FXN: variants seen among roughly 807,000 people sequenced by gnomAD.
FXN encodes frataxin, mitochondrial.
FXN carries 14 observed loss-of-function variants against 22.4 expected under a neutral mutation model. The ratio of observed to expected loss-of-function variants is 0.62; its 90% CI spans 0.41 to 0.98. The LOEUF is 0.98. Among genes scored for constraint, FXN ranks in the 50% least tolerant of loss-of-function variants. The probability of loss-of-function intolerance (pLI) is 0.00; values close to 1 mark genes in which losing one functional copy is unlikely to be tolerated. For missense variants in FXN, 267 were observed against 268.4 expected, an observed-to-expected ratio of 0.99 and a Z score of 0.04; for synonymous variants, 120 against 114.1, an observed-to-expected ratio of 1.05 and a Z score of -0.33.
At position 69,053,185 on chromosome 9, in the gene FXN, G is replaced by T. The variant is rs1831885193; in HGVS notation, c.309G>T (p.Leu103=). 1.2e-6 allele frequency: 2 copies of T among 1,613,902 alleles called. No homozygotes were observed. Among genetic ancestry groups the T allele is most frequent in the Non-Finnish European group, 8.5e-7 (1 of 1,179,948 alleles). ...TTYERLAEET[L]DSLAEFFEDL... Reference sequence around the variant, plus strand: ...ATGAAAGACTAGCAGAGGAAACGCTGGACTCTTTAGCAGAGTTTTTTGAAG... The same window carrying T: ...ATGAAAGACTAGCAGAGGAAACGCTTGACTCTTTAGCAGAGTTTTTTGAAG... The change falls in exon 3 of 5, where the codon CTG becomes CTT. Residue 103 remains leucine, a synonymous_variant. Coordinates refer to ENST00000484259, the MANE Select transcript of FXN (RefSeq NM_000144.5).
Position 69,073,336 on chromosome 9 carries a change from G to A in FXN, c.*574G>A, listed in dbSNP as rs954122525. The A allele has an allele frequency of 4.3e-5, 43 of 995,490 alleles. No individual in the cohort carries two copies. In the African/African-American group the frequency reaches 7.5e-4, roughly 17 times the overall value. 61.7% of individuals were successfully genotyped at this position (995,490 alleles called of 1,614,324 possible). On this transcript the variant is annotated 3_prime_UTR_variant, in exon 5 of 5. Coordinates refer to ENST00000484259, the MANE Select transcript of FXN (RefSeq NM_000144.5). ...ATTTGTGCTCTGTGACTGCCAAGGT[G>A]TGGCCTGCACTGGGTTGTCCAGGGA... is the stretch of plus-strand genomic sequence containing the variant.
rs7875693 is a variant in FXN, at chr9:69,075,536, T to A, written c.*2774T>A. ...GGGGAAGAATCAAAATCATATTCTGTCAAGCAAACTGGAAAAGTACCACTG... is the reference window on the plus strand; with the variant it reads ...GGGGAAGAATCAAAATCATATTCTGACAAGCAAACTGGAAAAGTACCACTG... On this transcript the variant is annotated 3_prime_UTR_variant, in exon 5 of 5. Transcript: ENST00000484259. 562,260 of 982,630 alleles carry A rather than the reference T, an allele frequency of 0.57. 162,347 individuals are homozygous for A. The highest frequency in any genetic ancestry group is 0.72 in the African/African-American group (41,100 of 57,058). The allele number at this position is 982,630 out of a possible 1,614,324, so 60.9% of individuals were successfully genotyped here.
rs1329451611 is a variant in FXN at position 69,035,775 on chromosome 9, G to A, written c.-8G>A. The A allele has an allele frequency of 9.3e-6, 14 of 1,502,362 alleles. No homozygotes were observed. The highest frequency in any genetic ancestry group is 2.7e-6 in the Non-Finnish European group (3 of 1,131,594). 93.1% of individuals were successfully genotyped at this position (1,502,362 alleles called of 1,614,324 possible). A position where few individuals can be genotyped will look rare whatever the true frequency, so the allele number is the denominator to read the frequency against. ...GGAGGGCGGAGCGGGCGGCAGACCC[G>A]GAGCAGCATGTGGACTCTCGGGCGC... On this transcript the variant is annotated 5_prime_UTR_variant, in exon 1 of 5. Transcript: ENST00000484259.
At chr9:69,045,518 G>A (rs1478376301) in intron 1 of FXN, among the ~76,000 whole-genome samples, 3 of 152,164 alleles carry the variant, frequency 2.0e-5, no homozygotes, top group Non-Finnish European at 4.4e-5. Flanking sequence ...ACTCGAACCC[G>A]GGAGGCGGGG....
chr9:69,076,900 T>G lies in FXN; in HGVS notation c.*4138T>G. The G allele has an allele frequency of 1.2e-5, 12 of 985,452 alleles. No homozygotes were observed. The highest frequency in any genetic ancestry group is 1.4e-5 in the Non-Finnish European group (12 of 829,952). 61.0% of individuals were successfully genotyped at this position (985,452 alleles called of 1,614,324 possible). A position where few individuals can be genotyped will look rare whatever the true frequency, so the allele number is the denominator to read the frequency against. ...GTTCAAAACGACGAGTTCATGACTT[T>G]GTGTATAGAGTAAGAAATGCCTTTT... On this transcript the variant is annotated 3_prime_UTR_variant, in exon 5 of 5. Transcript: ENST00000484259.
chr9:69,040,395 G>A (rs752891523), intron 1 of FXN, among the ~76,000 whole-genome samples: 2 of 152,202 alleles, frequency 1.3e-5, no homozygotes, highest in Non-Finnish European at 2.9e-5. Context: ...GCTGCCGGGC[G>A]CGGTGGCTCA....
rs146839921 is a variant in FXN at position 69,061,281 on chromosome 9, G to GC, written c.385-3656dup. ...ATGGACGCAAGTGCGGAGACCTTGA[G>GC]CACGCATCTGCCCCTAGTTCTTGCC... On this transcript the variant is annotated intron_variant, in intron 3 of 4. Transcript: ENST00000484259. 5.1e-3 allele frequency among the ~76,000 whole-genome samples: 780 copies of GC among 152,310 alleles called. 10 individuals are homozygous for GC. The highest frequency in any genetic ancestry group is 0.014 in the African/African-American group (599 of 41,568).
Position 69,073,837 on chromosome 9 carries a change from C to T in FXN, c.*1075C>T, listed in dbSNP as rs1006952953. 172 of 985,118 alleles carry T rather than the reference C, an allele frequency of 1.7e-4. No homozygotes were observed. Among genetic ancestry groups the T allele is most frequent in the Non-Finnish European group, 2.0e-4 (167 of 829,830 alleles). The allele number at this position is 985,118 out of a possible 1,614,324, so 61.0% of individuals were successfully genotyped here. A position where few individuals can be genotyped will look rare whatever the true frequency, so the allele number is the denominator to read the frequency against. ...AACAGTTTTTAAGCTATATAGGAAA[C>T]ATTGTTATTGGTGTTGCCCTATCGT... is the stretch of plus-strand genomic sequence containing the variant. On this transcript the variant is annotated 3_prime_UTR_variant, in exon 5 of 5. Transcript: ENST00000484259.
intron 1 of FXN, among the ~76,000 whole-genome samples, chr9:69,041,268 C>T (rs1428276176): frequency 6.6e-6 from 1 of 152,222 alleles, no homozygotes; most frequent in Non-Finnish European, 1.5e-5. Flanking sequence ...TCTGCTGTAT[C>T]TGTTCTGCTA....
chr9:69,037,166 A>G (rs1831565239), intron 1 of FXN, among the ~76,000 whole-genome samples: 1 of 151,532 alleles, frequency 6.6e-6, no homozygotes, highest in Non-Finnish European at 1.5e-5. Flanking sequence ...GCTCATGCCC[A>G]TAATCTCAGC....
chr9:69,067,127 C>T (rs1440060685), intron 4 of FXN, among the ~76,000 whole-genome samples: 3 of 152,332 alleles, frequency 2.0e-5, no homozygotes, highest in East Asian at 1.9e-4. Flanking sequence ...CAGCTCCCAG[C>T]GGGGGATGGA....
At chr9:69,053,503 GGATGGATAGATA>G (rs1361265035) in intron 3 of FXN, among the ~76,000 whole-genome samples, 69 of 150,850 alleles carry the variant, frequency 4.6e-4, no homozygotes, top group Middle Eastern at 3.4e-3. Flanking sequence ...ATGGATGGAT[GGATGGATAGATA>G]GATAGATAGA....
Position 69,075,229 on chromosome 9 carries a change from A to ATG in FXN, c.*2467_*2468insTG, listed in dbSNP as rs1564342390. 3 of 811,546 alleles carry ATG rather than the reference A, an allele frequency of 3.7e-6. No homozygotes were observed. The African/African-American group carries it at 5.6e-5, about 15-fold the overall frequency. The allele number at this position is 811,546 out of a possible 1,614,324, so 50.3% of individuals were successfully genotyped here. Reference sequence around the variant, plus strand: ...TCCCAGCACTTTGGGAGGCTGAGGCAAGTGTATCACCTGAGGTCAGGAGTT... The same window carrying ATG: ...TCCCAGCACTTTGGGAGGCTGAGGCATGAGTGTATCACCTGAGGTCAGGAGTT... On this transcript the variant is annotated 3_prime_UTR_variant, in exon 5 of 5. Transcript: ENST00000484259.
Position 69,074,866 on chromosome 9 carries a change from G to C in FXN, c.*2104G>C, listed in dbSNP as rs979690829. On this transcript the variant is annotated 3_prime_UTR_variant, in exon 5 of 5. Coordinates refer to ENST00000484259, the MANE Select transcript of FXN (RefSeq NM_000144.5). The stretch of plus-strand genomic sequence containing the variant: ...GTTTAAGTGCAGTAGGCCAGTGCCA[G>C]TGAGAAAATAAATAACATCATACAT... The C allele has an allele frequency of 1.6e-5, 16 of 985,258 alleles. No individual in the cohort carries two copies. The African/African-American group carries it at 2.6e-4, about 16-fold the overall frequency. 61.0% of individuals were successfully genotyped at this position (985,258 alleles called of 1,614,324 possible).
intron 1 of FXN, among the ~76,000 whole-genome samples, chr9:69,045,070 T>A (rs1178482932): frequency 6.6e-6 from 1 of 152,102 alleles, no homozygotes; most frequent in Non-Finnish European, 1.5e-5. Flanking sequence ...AACTTCCTGA[T>A]GTGATGGAAA....
chr9:69,044,720 A>C (rs1370966811), intron 1 of FXN, among the ~76,000 whole-genome samples: 1 of 151,048 alleles, frequency 6.6e-6, no homozygotes, highest in Non-Finnish European at 1.5e-5. Flanking sequence ...CAGCTGCACC[A>C]CTCTTGTGCC....
chr9:69,069,655 G>C (rs1331457775), intron 4 of FXN, among the ~76,000 whole-genome samples: 1 of 152,234 alleles, frequency 6.6e-6, no homozygotes, highest in African/African-American at 2.4e-5. Flanking sequence ...GGAGTAAAGA[G>C]CTTGGAGAGT....
At position 69,035,849 on chromosome 9, in the gene FXN, A is replaced by G. The variant is rs777206398; in HGVS notation, c.67A>G (p.Thr23Ala). ...GTCACCCAGCCCAGCCCAGGCCCAG[A>G]CCCTCACCCGGGTCCCGCGGCCGGC... ...LASPSPAQAQ[T>A]LTRVPRPAEL... The change falls in exon 1 of 5, where the codon ACC (threonine) becomes GCC (alanine). Residue 23 changes from threonine to alanine, a missense_variant. Thr to Ala is a moderately conservative substitution (Grantham distance 58). Coordinates refer to ENST00000484259, the MANE Select transcript of FXN (RefSeq NM_000144.5). 8 of 1,500,362 alleles carry G rather than the reference A, an allele frequency of 5.3e-6. No homozygotes were observed. In the South Asian group the frequency reaches 8.7e-5, roughly 16 times the overall value. The allele number at this position is 1,500,362 out of a possible 1,614,324, so 92.9% of individuals were successfully genotyped here.
At chr9:69,066,021 GTGTTGGAGACACAA>G (rs1447756585) in intron 4 of FXN, among the ~76,000 whole-genome samples, 1 of 152,198 alleles carries the variant, frequency 6.6e-6, no homozygotes, top group East Asian at 1.9e-4. Context: ...ATAAAAGATT[GTGTTGGAGACACAA>G]TGTGGCCTGC....
Sources: gnomAD v4.1 joint callset for allele counts (sites outside exome capture counted in the v4.1 genomes callset) on GRCh38, gnomAD v4.1.1 for gene constraint, MANE v1.5 for transcripts, NCBI Gene and HGNC (gene_info 2026-07-23, HGNC 2026-07-21) for gene names.